MDN1: variants seen among roughly 807,000 people sequenced by gnomAD.
MDN1 encodes midasin.
A neutral mutation model predicts 669.2 loss-of-function variants in MDN1; 266 were observed. That is an observed-to-expected ratio of 0.40 (90% CI 0.36 to 0.44). The LOEUF (loss-of-function observed/expected upper bound fraction) is 0.44. Among genes scored for constraint, MDN1 ranks in the 20% least tolerant of loss-of-function variants. MDN1 has a pLI of 1.00. For missense variants in MDN1, 5,940 were observed against 6,754.0 expected (o/e 0.88, Z 4.22); for synonymous variants, 2,385 against 2,457.1 (o/e 0.97, Z 0.87).
intron 86 of MDN1, 72 bp downstream of exon 86, chr6:89,662,719 GA>G (rs1456231513): frequency 6.8e-7 from 1 of 1,469,388 alleles, no homozygotes; most frequent in Non-Finnish European, 9.3e-7. Flanking sequence ...AGAAGTAAAT[GA>G]CAGAGAATGG....
intron 1 of MDN1, among the ~76,000 whole-genome samples, chr6:89,812,369 G>A (rs954935270): frequency 1.8e-4 from 28 of 152,212 alleles, no homozygotes; most frequent in Middle Eastern, 3.4e-3. Flanking sequence ...TAGATTGTCT[G>A]AGCTCAGCCA....
At chr6:89,763,613 C>A (rs575292883) in intron 15 of MDN1, among the ~76,000 whole-genome samples, 1 of 152,136 alleles carries the variant, frequency 6.6e-6, no homozygotes, top group East Asian at 1.9e-4. Context: ...TATGGCATAC[C>A]ATTACAATTC....
chr6:89,705,572 G>C (rs1217113219), intron 53 of MDN1, among the ~76,000 whole-genome samples: 3 of 152,138 alleles, frequency 2.0e-5, no homozygotes, highest in Admixed American at 2.0e-4. Flanking sequence ...AAAGAGGAAT[G>C]AACTACTGAT....
chr6:89,690,076 T>C lies in MDN1; in HGVS notation c.10817A>G (p.Glu3606Gly). 1 of 1,614,220 alleles carries C rather than the reference T, an allele frequency of 6.2e-7. No individual in the cohort carries two copies. The highest frequency in any genetic ancestry group is 1.1e-5 in the South Asian group (1 of 91,086). ...GAGAGCTGGGTTTGTGCCTGCTTCC[T>C]CTTCTTGCCCATCTGAAGTTCCTTT... ...ENKGTSDGQE[E>G]EAGTNPALLS... The change falls in exon 65 of 102, where the codon GAG becomes GGG. Residue 3606 changes from glutamate to glycine, a missense_variant. This residue lies in a region of MDN1 where 2,280 missense variants were observed against 2,576.3 expected (regional missense o/e 0.88). Transcript: ENST00000369393.
rs1445651704 is a variant in MDN1 at position 89,754,122 on chromosome 6, G to A, written c.2925C>T (p.Ala975=). ...RTLCRALRFA[A]SNPCGNIQRS... ...GCTGAATGTTGCCACATGGATTGGA[G>A]GCTGCAAATCGCAGGGCCCGGCACA... is the stretch of plus-strand genomic sequence containing the variant. The change falls in exon 21 of 102, where the codon GCC becomes GCT. Residue 975 remains alanine (A), a synonymous_variant. Transcript: ENST00000369393. The A allele has an allele frequency of 1.2e-6, 2 of 1,614,106 alleles. No homozygotes were observed. Among genetic ancestry groups the A allele is most frequent in the South Asian group, 2.2e-5 (2 of 91,070 alleles).
intron 3 of MDN1, 26 bp from the exon 4 acceptor site, chr6:89,794,233 T>G (rs764702598): frequency 7.8e-7 from 1 of 1,281,966 alleles, no homozygotes; most frequent in Admixed American, 2.2e-5. Flanking sequence ...GTATGTAAAT[T>G]CAGTTTATCT....
intron 93 of MDN1, 41 bp from the exon 94 acceptor site, chr6:89,653,196 C>T: frequency 6.4e-7 from 1 of 1,567,438 alleles, no homozygotes; most frequent in Non-Finnish European, 8.7e-7. Context: ...ATAATATTAG[C>T]CTGATGACTG....
intron 66 of MDN1, 131 bp downstream of exon 66, chr6:89,688,442 G>A (rs1812165093): frequency 1.3e-6 from 1 of 785,460 alleles, no homozygotes; most frequent in African/African-American, 1.8e-5. Context: ...ACATCTCATT[G>A]AACTGCAGTT....
Position 89,664,404 on chromosome 6 carries a change from G to C in MDN1, c.14236+83C>G. On this transcript the variant is annotated intron_variant, in intron 85 of 101. Coordinates refer to ENST00000369393, the MANE Select transcript of MDN1 (RefSeq NM_014611.3). ...AACTTGTTTCAAAAGATTATATTGG[G>C]TTCCTTATTAGGAACATGTAATTTC... The C allele has an allele frequency of 2.0e-6, 3 of 1,530,648 alleles. No individual in the cohort carries two copies. In the South Asian group the frequency reaches 3.5e-5, roughly 18 times the overall value. 94.8% of individuals were successfully genotyped at this position (1,530,648 alleles called of 1,614,324 possible).
At chr6:89,652,106 T>A (rs532064140) in intron 95 of MDN1, 86 bp downstream of exon 95, 175 of 1,043,296 alleles carry the variant, frequency 1.7e-4, no homozygotes, top group Admixed American at 2.3e-4. Flanking sequence ...AGGTAATTGC[T>A]AAGAACCTAT....
intron 10 of MDN1, 158 bp downstream of exon 10, chr6:89,781,237 CCTGA>C: frequency 1.5e-6 from 1 of 665,222 alleles, no homozygotes; most frequent in Non-Finnish European, 2.6e-6. Flanking sequence ...AATTTCAAAA[CCTGA>C]CTATTTACTT....
rs781642809 is a variant in MDN1 at position 89,650,816 on chromosome 6, T to C, written c.15947A>G (p.Tyr5316Cys). 1.6e-5 allele frequency: 26 copies of C among 1,614,002 alleles called. No individual in the cohort carries two copies. In the Admixed American group the frequency reaches 3.0e-4, roughly 19 times the overall value. The change falls in exon 96 of 102, where the codon TAC (tyrosine) becomes TGC (cysteine). Residue 5316 changes from tyrosine (Y) to cysteine (C), a missense_variant. Coordinates refer to ENST00000369393, the MANE Select transcript of MDN1 (RefSeq NM_014611.3). ...TGAAAGAGGCGCTGTTAAGATCAGG[T>C]AACTCTGCCACATCTCAGCTGCAAC... ...EKVAAEMWQSYLILTAPLSQR... is the reference protein window; with the variant it reads ...EKVAAEMWQSCLILTAPLSQR...
At position 89,746,753 on chromosome 6, in the gene MDN1, C is replaced by A. The variant is rs537431685; in HGVS notation, c.3904+576G>T. ...TACTCTTCTTACTTATTAACTAGCC[C>A]ATTAATCAATCATCAGCACTTTTCA... On this transcript the variant is annotated intron_variant, in intron 27 of 101. Transcript: ENST00000369393. Among the ~76,000 whole-genome samples the A allele has an allele frequency of 9.9e-5, 15 of 152,208 alleles. No homozygotes were observed. The South Asian group carries it at 3.1e-3, about 32-fold the overall frequency.
chr6:89,734,542 C>T (rs1374712094), intron 33 of MDN1, among the ~76,000 whole-genome samples: 1 of 151,770 alleles, frequency 6.6e-6, no homozygotes, highest in East Asian at 1.9e-4. Flanking sequence ...GTTCCAGCTA[C>T]TTGGCTACTT....
intron 40 of MDN1, 87 bp downstream of exon 40, chr6:89,722,865 AAAG>A: frequency 4.8e-6 from 4 of 840,592 alleles, no homozygotes; most frequent in South Asian, 5.5e-5. Context: ...AAAAAAAAAA[AAAG>A]GCTTGCAATT....
intron 31 of MDN1, 25 bp downstream of exon 31, chr6:89,743,125 C>T: frequency 6.2e-7 from 1 of 1,603,450 alleles, no homozygotes. Context: ...ATATCAAACA[C>T]AAGGCAAACC....
intron 59 of MDN1, among the ~76,000 whole-genome samples, chr6:89,698,251 T>C (rs2128309182): frequency 6.6e-6 from 1 of 152,350 alleles, no homozygotes; most frequent in East Asian, 1.9e-4. Context: ...AAGGATTCAA[T>C]TCTAATTCTA....
chr6:89,787,528 G>C (rs1272287542), intron 8 of MDN1, among the ~76,000 whole-genome samples: 1 of 152,098 alleles, frequency 6.6e-6, no homozygotes, highest in Non-Finnish European at 1.5e-5. Context: ...ACCAGCCAAG[G>C]TATACATAGG....
intron 17 of MDN1, among the ~76,000 whole-genome samples, chr6:89,760,567 G>C (rs904479824): frequency 1.3e-5 from 2 of 152,044 alleles, no homozygotes; most frequent in African/African-American, 2.4e-5. Flanking sequence ...TCAAGATATA[G>C]AATCAACCTA....
Sources: gnomAD v4.1 joint callset for allele counts (sites outside exome capture counted in the v4.1 genomes callset) on GRCh38, gnomAD v4.1.1 for gene constraint, gnomAD v4.1.1 regional missense constraint, MANE v1.5 for transcripts, NCBI Gene and HGNC (gene_info 2026-07-23, HGNC 2026-07-21) for gene names.